CDT1: variants seen among roughly 807,000 people sequenced by gnomAD.
CDT1 encodes chromatin licensing and DNA replication factor 1, also known as DNA replication factor Cdt1.
A neutral mutation model predicts 49.3 loss-of-function variants in CDT1; 66 were observed. That is an observed-to-expected ratio of 1.34 (90% CI 1.10 to 1.64). The LOEUF is 1.64. CDT1 is among the 40% of genes most tolerant of loss of function. CDT1 has a pLI of 0.00. For missense variants in CDT1, 958 were observed against 807.7 expected (o/e 1.19, Z -2.26); for synonymous variants, 424 against 347.4 (o/e 1.22, Z -2.45).
At position 88,804,888 on chromosome 16, in the gene CDT1, G is replaced by GA; in HGVS notation, c.479dup (p.Glu161GlyfsTer69). The GA allele has an allele frequency of 6.3e-7, 1 of 1,576,096 alleles. No homozygotes were observed. The highest frequency in any genetic ancestry group is 8.6e-7 in the Non-Finnish European group (1 of 1,165,240). On this transcript the variant is annotated frameshift_variant, in exon 3 of 10. Coordinates refer to ENST00000301019, the MANE Select transcript of CDT1 (RefSeq NM_030928.4). LOFTEE classifies it high-confidence loss of function. Reference sequence around the variant, plus strand: ...CACCCCAGAGGCCGAGGGCCGCCCTGAGGAGCCATGGTGAGTGCTGGGTGG... The same window carrying GA: ...CACCCCAGAGGCCGAGGGCCGCCCTGAAGGAGCCATGGTGAGTGCTGGGTGG...
At chr16:88,804,088 G>C in intron 1 of CDT1, 29 bp downstream of exon 1, 1 of 1,356,696 alleles carries the variant, frequency 7.4e-7, no homozygotes, top group Admixed American at 3.4e-5. Context: ...CTGAGGCCGG[G>C]GAGTTGGGGG....
In CDT1 at chr16:88,807,106, G is replaced by T; in HGVS notation, c.1178G>T (p.Gly393Val). Residue 393 changes from glycine to valine, a missense_variant, in exon 8 of 10, where the codon GGG becomes GTG. Coordinates refer to ENST00000301019, the MANE Select transcript of CDT1 (RefSeq NM_030928.4). ...ALRSAAPSSP[G>V]SPRPALPATP... is the part of the protein sequence containing the mutation. The stretch of plus-strand genomic sequence containing the variant: ...CGCTCTGCTGCGCCCAGCAGCCCCG[G>T]GTCTCCCAGGCCAGCACTGCCGGCT... The T allele has an allele frequency of 6.2e-7, 1 of 1,612,794 alleles. No homozygotes were observed. The highest frequency in any genetic ancestry group is 1.3e-5 in the African/African-American group (1 of 75,056).
In CDT1 at chr16:88,807,257, A is replaced by G. The variant is rs2142945856; in HGVS notation, c.1276-24A>G. The G allele has an allele frequency of 6.2e-7, 1 of 1,611,566 alleles. No homozygotes were observed. Among genetic ancestry groups the G allele is most frequent in the Non-Finnish European group, 8.5e-7 (1 of 1,179,702 alleles). Reference sequence around the variant, plus strand: ...GCGCCTGGTGACCTGCTGCCCACTAACCAGGTCCCGGTACCTGCTGCAGAT... The same window carrying G: ...GCGCCTGGTGACCTGCTGCCCACTAGCCAGGTCCCGGTACCTGCTGCAGAT... On this transcript the variant is annotated intron_variant, in intron 8 of 9. Transcript: ENST00000301019.
At position 88,807,094 on chromosome 16, in the gene CDT1, C is replaced by G; in HGVS notation, c.1166C>G (p.Pro389Arg). Residue 389 changes from proline to arginine, a missense_variant, in exon 8 of 10, where the codon CCC (proline) becomes CGC (arginine). By Grantham distance (103) the Pro-to-Arg change is moderately radical. Transcript: ENST00000301019. ...LSQLALRSAA[P>R]SSPGSPRPAL... The stretch of plus-strand genomic sequence containing the variant: ...CAATTGGCCCTGCGCTCTGCTGCGC[C>G]CAGCAGCCCCGGGTCTCCCAGGCCA... 6.2e-7 allele frequency: 1 copy of G among 1,612,818 alleles called. No individual in the cohort carries two copies.
Position 88,805,810 on chromosome 16 carries a change from T to C in CDT1, c.773T>C (p.Phe258Ser), listed in dbSNP as rs750859693. The change falls in exon 5 of 10, where the codon TTC becomes TCC. Residue 258 changes from phenylalanine (F) to serine (S), a missense_variant. By Grantham distance (155) the Phe-to-Ser change is radical (BLOSUM62 -2). Coordinates refer to ENST00000301019, the MANE Select transcript of CDT1 (RefSeq NM_030928.4). ...RFRQERSVPT[F>S]KDGTRRSDYQ... ...CGCCAGGAGCGCAGTGTCCCCACCTTCAAGGATGGCACCAGGAGGTCAGAT... is the reference window on the plus strand; with the variant it reads ...CGCCAGGAGCGCAGTGTCCCCACCTCCAAGGATGGCACCAGGAGGTCAGAT... 1 of 1,613,158 alleles carries C rather than the reference T, an allele frequency of 6.2e-7. No individual in the cohort carries two copies. The highest frequency in any genetic ancestry group is 1.3e-5 in the African/African-American group (1 of 75,052).
intron 9 of CDT1, 52 bp from the exon 10 acceptor site, chr16:88,808,063 G>C: frequency 6.3e-7 from 1 of 1,593,788 alleles, no homozygotes; most frequent in Admixed American, 1.7e-5. Flanking sequence ...AGTGCTGCCC[G>C]TGCAGGGCTG....
At position 88,805,542 on chromosome 16, in the gene CDT1, C is replaced by G; in HGVS notation, c.591C>G (p.Phe197Leu). 1 of 1,612,908 alleles carries G rather than the reference C, an allele frequency of 6.2e-7. No homozygotes were observed. The highest frequency in any genetic ancestry group is 1.1e-5 in the South Asian group (1 of 91,086). ...PYKYQVLAEM[F>L]RSMDTIVGML... ...AGTACCAGGTGCTGGCGGAGATGTT[C>G]CGCAGCATGGACACCATCGTGGGCA... The change falls in exon 4 of 10, where the codon TTC (phenylalanine) becomes TTG (leucine). Residue 197 changes from phenylalanine (F) to leucine (L), a missense_variant. Phe to Leu is a conservative substitution (Grantham distance 22). Transcript: ENST00000301019.
chr16:88,808,258 C>A lies in CDT1; in HGVS notation c.1621C>A (p.Arg541Ser). Residue 541 changes from arginine to serine, a missense_variant, in exon 10 of 10, where the codon CGT becomes AGT. By Grantham distance (110) the Arg-to-Ser change is moderately radical. Transcript: ENST00000301019. The part of the protein sequence containing the change: ...HITARLAHQT[R>S]AEEGL ...CACTGCACGCCTGGCCCACCAGACACGTGCTGAGGAGGGGCTGTGAGCCTG... is the reference window on the plus strand; with the variant it reads ...CACTGCACGCCTGGCCCACCAGACAAGTGCTGAGGAGGGGCTGTGAGCCTG... 6.3e-7 allele frequency: 1 copy of A among 1,596,642 alleles called. No individual in the cohort carries two copies. Among genetic ancestry groups the A allele is most frequent in the South Asian group, 1.1e-5 (1 of 88,814 alleles).
At position 88,805,466 on chromosome 16, in the gene CDT1, G is replaced by A. The variant is rs763410679; in HGVS notation, c.515G>A (p.Arg172His). 24 of 1,612,660 alleles carry A rather than the reference G, an allele frequency of 1.5e-5. 1 individual carries two copies. Among genetic ancestry groups the A allele is most frequent in the African/African-American group, 6.7e-5 (5 of 74,932 alleles). Residue 172 changes from arginine (R) to histidine (H), a missense_variant, in exon 4 of 10, where the codon CGC (arginine) becomes CAC (histidine). Physicochemically the swap from Arg to His is conservative, Grantham distance 29 (BLOSUM62 0). Transcript: ENST00000301019. Reference protein sequence around the residue: ...PCGEKAPAYQRFHALAQPGLP... With the variant: ...PCGEKAPAYQHFHALAQPGLP... The stretch of plus-strand genomic sequence containing the variant: ...GGCGAGAAGGCGCCCGCCTACCAGC[G>A]CTTCCATGCCCTGGCCCAGCCCGGC...
rs1378054445 is a variant in CDT1 at position 88,809,257 on chromosome 16, T to C, written c.*979T>C. On this transcript the variant is annotated 3_prime_UTR_variant, in exon 10 of 10. Coordinates refer to ENST00000301019, the MANE Select transcript of CDT1 (RefSeq NM_030928.4). The stretch of plus-strand genomic sequence containing the variant: ...CTAATAAAGTCATGCTTACAGCCAC[T>C]AGATCTGCAGAAGAGCCCTCGCTTG... 1 of 360,650 alleles carries C rather than the reference T, an allele frequency of 2.8e-6. No homozygotes were observed. Among genetic ancestry groups the C allele is most frequent in the Non-Finnish European group, 5.5e-6 (1 of 183,194 alleles). 22.3% of individuals were successfully genotyped at this position (360,650 alleles called of 1,614,324 possible).
intron 7 of CDT1, 101 bp from the exon 8 acceptor site, chr16:88,806,950 G>A: frequency 6.7e-7 from 1 of 1,482,330 alleles, no homozygotes; most frequent in Non-Finnish European, 9.4e-7. Flanking sequence ...CCAGTGTGCT[G>A]GGTGAACTTG....
At position 88,808,134 on chromosome 16, in the gene CDT1, G is replaced by C. The variant is rs1394602149; in HGVS notation, c.1497G>C (p.Leu499=). ...IMSPGEMEKH[L]LLLSELLPDW... ...CCCCAGGGGAAATGGAGAAGCACCT[G>C]CTGCTCCTCTCCGAGCTGCTGCCGG... Residue 499 remains leucine (L), a synonymous_variant, in exon 10 of 10, where the codon CTG becomes CTC. Transcript: ENST00000301019. The C allele has an allele frequency of 6.2e-7, 1 of 1,612,602 alleles. No individual in the cohort carries two copies. Among genetic ancestry groups the C allele is most frequent in the Non-Finnish European group, 8.5e-7 (1 of 1,179,924 alleles).
In CDT1 at chr16:88,806,040, C is replaced by G. The variant is rs1161190564; in HGVS notation, c.852C>G (p.Pro284=). Residue 284 remains proline (P), a synonymous_variant, in exon 6 of 10, where the codon CCC becomes CCG. Coordinates refer to ENST00000301019, the MANE Select transcript of CDT1 (RefSeq NM_030928.4). Reference sequence around the variant, plus strand: ...CCACAGAGGCTGACGGAGCAGCCCCCCAGCTCACGGCCTCGCGCCTCCTGC... The same window carrying G: ...CCACAGAGGCTGACGGAGCAGCCCCGCAGCTCACGGCCTCGCGCCTCCTGC... ...LLEQEADGAA[P]QLTASRLLQR... is the part of the protein sequence containing the mutation. 11 of 1,593,494 alleles carry G rather than the reference C, an allele frequency of 6.9e-6. No homozygotes were observed. Among genetic ancestry groups the G allele is most frequent in the Non-Finnish European group, 9.4e-6 (11 of 1,173,708 alleles).
At chr16:88,804,713 C>A (rs768781020) in intron 2 of CDT1, 46 bp downstream of exon 2, 30 of 1,612,274 alleles carry the variant, frequency 1.9e-5, no homozygotes, top group Non-Finnish European at 2.5e-5. Context: ...TGAGTGGTGC[C>A]GGCCTGCCTG....
chr16:88,804,592 T>C lies in CDT1; in HGVS notation c.276T>C (p.Pro92=), dbSNP rs201260723. ...TPEAPDIPAC[P]SPGQKIKKST... ...AGGCCCCAGACATCCCAGCCTGCCC[T>C]TCTCCGGGCCAGAAGATAAAGAAAT... Residue 92 remains proline (P), a synonymous_variant, in exon 2 of 10, where the codon CCT becomes CCC. Transcript: ENST00000301019. 2.5e-6 allele frequency: 4 copies of C among 1,613,022 alleles called. No individual in the cohort carries two copies. In the African/African-American group the frequency reaches 5.3e-5, roughly 21 times the overall value.
chr16:88,806,709 C>T (rs563845758), intron 7 of CDT1, 35 bp downstream of exon 7: 34 of 1,562,314 alleles, frequency 2.2e-5, no homozygotes, highest in South Asian at 1.3e-4. Flanking sequence ...CCATTTCTCC[C>T]GGGTGGGTGG....
At chr16:88,805,930 G>T in intron 5 of CDT1, 61 bp downstream of exon 5, 1 of 1,598,388 alleles carries the variant, frequency 6.3e-7, no homozygotes, top group Non-Finnish European at 8.5e-7. Context: ...TTCCAGGGTG[G>T]GTGTGAGGTG....
rs1012376654 is a variant in CDT1, at chr16:88,804,465, T to C, written c.229-80T>C. The C allele has an allele frequency of 1.3e-5, 20 of 1,553,430 alleles. No homozygotes were observed. In the African/African-American group the frequency reaches 2.2e-4, roughly 17 times the overall value. Reference sequence around the variant, plus strand: ...CCCGTCCCAGTTAACTCAGAGCGGCTTCTGATCCTTCGGGGTCCTCTGCAG... The same window carrying C: ...CCCGTCCCAGTTAACTCAGAGCGGCCTCTGATCCTTCGGGGTCCTCTGCAG... On this transcript the variant is annotated intron_variant, in intron 1 of 9. Coordinates refer to ENST00000301019, the MANE Select transcript of CDT1 (RefSeq NM_030928.4).
chr16:88,806,052 C>G lies in CDT1; in HGVS notation c.864C>G (p.Ala288=), dbSNP rs1381063232. The G allele has an allele frequency of 6.3e-7, 1 of 1,597,494 alleles. No individual in the cohort carries two copies. The highest frequency in any genetic ancestry group is 8.5e-7 in the Non-Finnish European group (1 of 1,175,690). ...ACGGAGCAGCCCCCCAGCTCACGGC[C>G]TCGCGCCTCCTGCAGCGACGGCAGA... ...EADGAAPQLT[A]SRLLQRRQIF... Residue 288 remains alanine (A), a synonymous_variant, in exon 6 of 10, where the codon GCC becomes GCG. Transcript: ENST00000301019.
Sources: gnomAD v4.1 joint callset for allele counts on GRCh38, gnomAD v4.1.1 for gene constraint, MANE v1.5 for transcripts, NCBI Gene and HGNC (gene_info 2026-07-23, HGNC 2026-07-21) for gene names.